The following VSIG10L variants were observed in gnomAD, a reference collection of about 807,000 sequenced individuals.
VSIG10L encodes the protein V-set and immunoglobulin domain-containing protein 10-like.
Under a neutral mutation model 67.3 loss-of-function variants are expected in VSIG10L, and 63 were observed. That is an observed-to-expected ratio of 0.94 (90% CI 0.76 to 1.15). VSIG10L has a LOEUF of 1.15. Ranked by LOEUF, VSIG10L falls within the 50% of genes most tolerant of loss-of-function variation. The probability of loss-of-function intolerance (pLI) is 0.00; values close to 1 mark genes in which losing one functional copy is unlikely to be tolerated. For synonymous variants in VSIG10L, 499 were observed against 524.9 expected (o/e 0.95, Z 0.67); for missense variants, 1,050 against 1,177.5 (o/e 0.89, Z 1.58).
chr19:51,334,366 C>CTA (rs1457674351), intron 7 of VSIG10L, 62 bp from the exon 8 acceptor site: 1 of 1,460,722 alleles, frequency 6.8e-7, no homozygotes, highest in Non-Finnish European at 9.3e-7. Context: ...CCCAAGTTTC[C>CTA]TAAGCCCCCT....
In VSIG10L at chr19:51,340,499, G is replaced by A. The variant is rs756431754; in HGVS notation, c.1123C>T (p.Arg375Trp). ...IVRPVRSDHA[R>W]YTCRVRSPFG... ...GGGCTGCGGACGCGGCAAGTGTACCGGGCGTGGTCGCTGCGCACAGGGCGC... is the reference window on the plus strand; with the variant it reads ...GGGCTGCGGACGCGGCAAGTGTACCAGGCGTGGTCGCTGCGCACAGGGCGC... The change falls in exon 3 of 10, where the codon CGG (arginine) becomes TGG (tryptophan). Residue 375 changes from arginine to tryptophan, a missense_variant. This residue lies in a region of VSIG10L where 511 missense variants were observed against 557.9 expected (regional missense o/e 0.92). Coordinates refer to ENST00000335624, the MANE Select transcript of VSIG10L (RefSeq NM_001163922.3). The surrounding 1 kb of genome is among the most constrained non-coding windows in gnomAD (Gnocchi z 6.3). The A allele has an allele frequency of 3.9e-6, 6 of 1,529,572 alleles. No homozygotes were observed. Among genetic ancestry groups the A allele is most frequent in the African/African-American group, 1.4e-5 (1 of 72,532 alleles). 94.8% of individuals were successfully genotyped at this position (1,529,572 alleles called of 1,614,324 possible).
chr19:51,341,024 T>G (rs770276104), intron 2 of VSIG10L, 129 bp downstream of exon 2: 53 of 1,335,684 alleles, frequency 4.0e-5, no homozygotes, highest in Non-Finnish European at 4.7e-5. Context: ...TCTAGCTCTT[T>G]TTCTCCCTTC....
chr19:51,340,956 A>G lies in VSIG10L; in HGVS notation c.895+197T>C. On this transcript the variant is annotated intron_variant, in intron 2 of 9. Coordinates refer to ENST00000335624, the MANE Select transcript of VSIG10L (RefSeq NM_001163922.3). This position sits in a 1 kb window ranked among gnomAD's most constrained non-coding sequence, Gnocchi z 6.3. ...CCTCCTCCCTCAGACCTGGGAGTTC[A>G]GGCTCCCAGGAGTCTCCATCCCAGG... The G allele has an allele frequency of 1.1e-6, 1 of 946,334 alleles. No individual in the cohort carries two copies. Among genetic ancestry groups the G allele is most frequent in the Non-Finnish European group, 1.5e-6 (1 of 683,214 alleles). 58.6% of individuals were successfully genotyped at this position (946,334 alleles called of 1,614,324 possible).
rs1222905890 is a variant in VSIG10L, at chr19:51,341,815, GAATCAGAGATTCCAGCA to G, written c.216_232del (p.Ala73GlnfsTer5). 1 of 1,551,470 alleles carries G rather than the reference GAATCAGAGATTCCAGCA, an allele frequency of 6.4e-7. No homozygotes were observed. The highest frequency in any genetic ancestry group is 1.4e-5 in the African/African-American group (1 of 73,112). ...ACTCAGGGCCTCAGGAAACCAGCTG[GAATCAGAGATTCCAGCA>G]GAGGCTTTTGAATCCAGGAACTGAT... On this transcript the variant is annotated frameshift_variant, in exon 2 of 10. Coordinates refer to ENST00000335624, the MANE Select transcript of VSIG10L (RefSeq NM_001163922.3). LOFTEE classifies it high-confidence loss of function.
chr19:51,340,731 G>A lies in VSIG10L; in HGVS notation c.896-5C>T. ...CCGACAGCTGGGGTAGGGGCTCTGG[G>A]AGAGGGAGAATGGGCTCAGGACCCA... On this transcript the variant is annotated splice_polypyrimidine_tract_variant and splice_region_variant and intron_variant, in intron 2 of 9. Transcript: ENST00000335624. This position sits in a 1 kb window ranked among gnomAD's most constrained non-coding sequence, Gnocchi z 6.3. 1 of 1,485,476 alleles carries A rather than the reference G, an allele frequency of 6.7e-7. No individual in the cohort carries two copies. The highest frequency in any genetic ancestry group is 1.3e-5 in the South Asian group (1 of 77,760). 92.0% of individuals were successfully genotyped at this position (1,485,476 alleles called of 1,614,324 possible). A position where few individuals can be genotyped will look rare whatever the true frequency, so the allele number is the denominator to read the frequency against.
At chr19:51,336,972 G>A (rs1044176779) in intron 7 of VSIG10L, among the ~76,000 whole-genome samples, 1 of 151,884 alleles carries the variant, frequency 6.6e-6, no homozygotes, top group Non-Finnish European at 1.5e-5. Flanking sequence ...TTCACCGTGT[G>A]AGCCAGGATG....
intron 4 of VSIG10L, 168 bp downstream of exon 4, chr19:51,339,847 C>T: frequency 3.4e-6 from 3 of 893,672 alleles, no homozygotes; most frequent in Non-Finnish European, 4.4e-6. Flanking sequence ...GCCCGCCCCA[C>T]CACGGGTATC....
intron 4 of VSIG10L, 61 bp downstream of exon 4, chr19:51,339,954 G>C: frequency 1.1e-3 from 704 of 629,654 alleles, no homozygotes; most frequent in Non-Finnish European, 1.3e-3. Context: ...CTCTAGCCCC[G>C]CCCTCGTTCT....
At position 51,340,756 on chromosome 19, in the gene VSIG10L, AC is replaced by A. The variant is rs1352485248; in HGVS notation, c.896-31del. The A allele has an allele frequency of 2.8e-6, 4 of 1,451,402 alleles. No homozygotes were observed. The South Asian group carries it at 5.5e-5, about 20-fold the overall frequency. The allele number at this position is 1,451,402 out of a possible 1,614,324, so 89.9% of individuals were successfully genotyped here. Reference sequence around the variant, plus strand: ...GAGAGGGAGAATGGGCTCAGGACCCACCCAGTCCTGGAGCCCATCTTTGGTC... The same window carrying A: ...GAGAGGGAGAATGGGCTCAGGACCCACCAGTCCTGGAGCCCATCTTTGGTC... On this transcript the variant is annotated intron_variant, in intron 2 of 9. Transcript: ENST00000335624. This position sits in a 1 kb window ranked among gnomAD's most constrained non-coding sequence, Gnocchi z 6.3.
chr19:51,333,304 G>A (rs559754436), intron 9 of VSIG10L, among the ~76,000 whole-genome samples: 26 of 152,252 alleles, frequency 1.7e-4, no homozygotes, highest in South Asian at 2.1e-4. Context: ...CAAGGTGGGC[G>A]GATCACTTGA....
At position 51,341,519 on chromosome 19, in the gene VSIG10L, G is replaced by A; in HGVS notation, c.529C>T (p.Pro177Ser). 6.4e-7 allele frequency: 1 copy of A among 1,551,166 alleles called. No individual in the cohort carries two copies. ...GTCTCTGCAGAAAATTTGGATTCAG[G>A]GCTCTGGGCAGAGAGTTTAAGATCC... ...DMDLKLSAQSPESKFSAETHS... is the reference protein window; with the variant it reads ...DMDLKLSAQSSESKFSAETHS... Residue 177 changes from proline (P) to serine (S), a missense_variant, in exon 2 of 10, where the codon CCT becomes TCT. Coordinates refer to ENST00000335624, the MANE Select transcript of VSIG10L (RefSeq NM_001163922.3).
At chr19:51,334,043 CT>C in intron 8 of VSIG10L, 98 bp from the exon 9 acceptor site, 1 of 1,515,598 alleles carries the variant, frequency 6.6e-7, no homozygotes, top group South Asian at 1.2e-5. Flanking sequence ...GAGGCGGAGC[CT>C]TATGCTGATT....
At chr19:51,338,373 T>G (rs983393802) in intron 5 of VSIG10L, among the ~76,000 whole-genome samples, 165 bp from the exon 6 acceptor site, 2 of 152,230 alleles carry the variant, frequency 1.3e-5, no homozygotes, top group Admixed American at 6.5e-5. Flanking sequence ...ATTCATTCAT[T>G]CATTTATTAT....
At chr19:51,334,603 A>G (rs1985438848) in intron 7 of VSIG10L, among the ~76,000 whole-genome samples, 1 of 152,230 alleles carries the variant, frequency 6.6e-6, no homozygotes, top group African/African-American at 2.4e-5. Flanking sequence ...TGAGCAATAC[A>G]TAAGATAATC....
chr19:51,337,420 C>T lies in VSIG10L; in HGVS notation c.2123G>A (p.Gly708Glu). 2 of 1,551,726 alleles carry T rather than the reference C, an allele frequency of 1.3e-6. No homozygotes were observed. The highest frequency in any genetic ancestry group is 1.7e-6 in the Non-Finnish European group (2 of 1,146,992). The change falls in exon 7 of 10, where the codon GGG becomes GAG. Residue 708 changes from glycine to glutamate, a missense_variant. Gly to Glu is a moderately conservative substitution (Grantham distance 98). Transcript: ENST00000335624. ...GGTGGAAGTCCTGCCCAGAGCAGGC[C>T]CATCTGGCCATGCCTGGATCTCAAA... ...SSFEIQAWPDGPALGRTSTYR... is the reference protein window; with the variant it reads ...SSFEIQAWPDEPALGRTSTYR...
Position 51,339,038 on chromosome 19 carries a change from G to C in VSIG10L, c.1579C>G (p.Gln527Glu), listed in dbSNP as rs1568462808. The change falls in exon 5 of 10, where the codon CAG becomes GAG. Residue 527 changes from glutamine (Q) to glutamate (E), a missense_variant. Gln to Glu is a conservative substitution (Grantham distance 29). Transcript: ENST00000335624. ...WPGGAPAASLQFQGLPEGIRA... is the reference protein window; with the variant it reads ...WPGGAPAASLEFQGLPEGIRA... Reference sequence around the variant, plus strand: ...ATGCCTTCGGGGAGACCCTGGAACTGCAGGGAGGCAGCAGGGGCCCCGCCG... The same window carrying C: ...ATGCCTTCGGGGAGACCCTGGAACTCCAGGGAGGCAGCAGGGGCCCCGCCG... The C allele has an allele frequency of 2.2e-6, 3 of 1,357,670 alleles. No homozygotes were observed. Among genetic ancestry groups the C allele is most frequent in the Non-Finnish European group, 2.9e-6 (3 of 1,047,620 alleles). 84.1% of individuals were successfully genotyped at this position (1,357,670 alleles called of 1,614,324 possible).
chr19:51,337,045 C>G (rs1985500276), intron 7 of VSIG10L, among the ~76,000 whole-genome samples, 193 bp downstream of exon 7: 1 of 152,190 alleles, frequency 6.6e-6, no homozygotes, highest in Non-Finnish European at 1.5e-5. Flanking sequence ...GGATTACAGG[C>G]GTGAGCCACC....
chr19:51,336,763 A>ATTTTTTTT, intron 7 of VSIG10L, among the ~76,000 whole-genome samples: 2 of 97,066 alleles, frequency 2.1e-5, no homozygotes, highest in Non-Finnish European at 3.9e-5. Flanking sequence ...CGACACCTTG[A>ATTTTTTTT]TTTTTTTTTT....
rs373632606 is a variant in VSIG10L at position 51,334,193 on chromosome 19, C to T, written c.2417G>A (p.Arg806His). The T allele has an allele frequency of 1.6e-5, 25 of 1,551,702 alleles. No individual in the cohort carries two copies. The highest frequency in any genetic ancestry group is 4.9e-5 in the East Asian group (2 of 40,938). The change falls in exon 8 of 10, where the codon CGT becomes CAT. Residue 806 changes from arginine (R) to histidine (H), a missense_variant and splice_region_variant. Physicochemically the swap from Arg to His is conservative, Grantham distance 29. Transcript: ENST00000335624. Reference protein sequence around the residue: ...LLCICCLCRFRGKTPEKKKHP... With the variant: ...LLCICCLCRFHGKTPEKKKHP... ...CCTTCCCCAGTCCCCTTGCTCACCA[C>T]GAAAGCGGCACAGGCAGCAGATGCA...
Sources: allele counts gnomAD v4.1 joint callset (sites outside exome capture counted in the v4.1 genomes callset), GRCh38; gene constraint gnomAD v4.1.1; regional missense constraint gnomAD v4.1.1; non-coding constraint Gnocchi (gnomAD v3.1); transcripts MANE v1.5; gene names NCBI Gene and HGNC (gene_info 2026-07-23, HGNC 2026-07-21).